SLC35A1: variants seen among roughly 807,000 people sequenced by gnomAD.
SLC35A1 encodes solute carrier family 35 member A1, also known as CMP-sialic acid transporter.
A neutral mutation model predicts 40.3 loss-of-function variants in SLC35A1; 21 were observed. The observed-to-expected ratio is 0.52, with a 90% CI of 0.37 to 0.75. SLC35A1 has a LOEUF of 0.75. SLC35A1 is among the 30% of genes least tolerant of loss of function. SLC35A1 has a pLI of 0.00. For missense variants in SLC35A1, 297 were observed against 382.1 expected, an observed-to-expected ratio of 0.78 and a Z score of 1.86; for synonymous variants, 146 against 147.3, an observed-to-expected ratio of 0.99 and a Z score of 0.06.
At chr6:87,474,382 C>T (rs891923676) in intron 1 of SLC35A1, among the ~76,000 whole-genome samples, 3 of 151,944 alleles carry the variant, frequency 2.0e-5, no homozygotes, top group African/African-American at 7.3e-5. Flanking sequence ...CGAAAAAAAA[C>T]ATTTTAAACT....
intron 4 of SLC35A1, among the ~76,000 whole-genome samples, chr6:87,503,660 C>T (rs532526199): frequency 7.2e-5 from 11 of 152,052 alleles, no homozygotes; most frequent in Admixed American, 3.9e-4. Context: ...TGCAGTGAGC[C>T]GAGATCGCGC....
intron 1 of SLC35A1, 74 bp from the exon 2 acceptor site, chr6:87,477,288 C>T: frequency 7.8e-7 from 1 of 1,275,086 alleles, no homozygotes; most frequent in Non-Finnish European, 1.1e-6. Context: ...TATTTTTAGG[C>T]TATAACTAGT....
intron 2 of SLC35A1, among the ~76,000 whole-genome samples, chr6:87,493,899 A>G (rs1246151530): frequency 6.6e-6 from 1 of 152,190 alleles, no homozygotes; most frequent in East Asian, 1.9e-4. Flanking sequence ...AAGTTTTGGC[A>G]TGTGAAATTA....
At position 87,473,027 on chromosome 6, in the gene SLC35A1, C is replaced by T; in HGVS notation, c.16+8C>T. 1 of 628,208 alleles carries T rather than the reference C, an allele frequency of 1.6e-6. No homozygotes were observed. The highest frequency in any genetic ancestry group is 2.5e-6 in the Non-Finnish European group (1 of 403,300). 38.9% of individuals were successfully genotyped at this position (628,208 alleles called of 1,614,324 possible). A position where few individuals can be genotyped will look rare whatever the true frequency, so the allele number is the denominator to read the frequency against. ...CCATGGCTGCCCCGAGAGGTGAGAA[C>T]TGGGTCTGCTGGGAGTGGGGAGTCC... On this transcript the variant is annotated splice_region_variant and intron_variant, in intron 1 of 7. Coordinates refer to ENST00000369552, the MANE Select transcript of SLC35A1 (RefSeq NM_006416.5).
chr6:87,490,617 GA>G (rs1030943945), intron 2 of SLC35A1, among the ~76,000 whole-genome samples: 1 of 152,094 alleles, frequency 6.6e-6, no homozygotes, highest in Non-Finnish European at 1.5e-5. Context: ...TGAAAAAAAG[GA>G]AAAAGATATT....
At chr6:87,488,038 A>G (rs1333304368) in intron 2 of SLC35A1, 1 of 152,182 alleles carries the variant, frequency 6.6e-6, no homozygotes, top group Non-Finnish European at 1.5e-5. Context: ...AGTTATTATT[A>G]TTTTTGTTTT....
intron 1 of SLC35A1, 24 bp downstream of exon 1, chr6:87,473,043 TG>T (rs1337582825): frequency 1.1e-5 from 6 of 555,646 alleles, no homozygotes; most frequent in Non-Finnish European, 8.6e-6. Context: ...CTGCTGGGAG[TG>T]GGGAGTCCGC....
chr6:87,479,623 ACTC>A (rs1031773714), intron 2 of SLC35A1, among the ~76,000 whole-genome samples: 2 of 151,530 alleles, frequency 1.3e-5, no homozygotes, highest in African/African-American at 4.9e-5. Flanking sequence ...CATGATGCAA[ACTC>A]CTCCTCTTTC....
intron 7 of SLC35A1, 128 bp from the exon 8 acceptor site, chr6:87,511,271 C>G: frequency 1.0e-6 from 1 of 1,003,562 alleles, no homozygotes; most frequent in Non-Finnish European, 1.5e-6. Flanking sequence ...CCTTTCTAAA[C>G]CTTGCCATCA....
At chr6:87,511,096 T>C (rs1562028741) in intron 7 of SLC35A1, among the ~76,000 whole-genome samples, 1 of 152,064 alleles carries the variant, frequency 6.6e-6, no homozygotes, top group African/African-American at 2.4e-5. Flanking sequence ...AAAAAAATTA[T>C]ATATTTTATA....
intron 2 of SLC35A1, among the ~76,000 whole-genome samples, chr6:87,484,181 G>T (rs1769327648): frequency 6.6e-6 from 1 of 152,146 alleles, no homozygotes; most frequent in African/African-American, 2.4e-5. Context: ...GAGAGCTCGG[G>T]TTATTCCTTG....
intron 1 of SLC35A1, among the ~76,000 whole-genome samples, chr6:87,474,081 G>A (rs1208241834): frequency 6.6e-6 from 1 of 152,098 alleles, no homozygotes; most frequent in Non-Finnish European, 1.5e-5. Flanking sequence ...GGAAATAAAA[G>A]AAAAAGAAAT....
chr6:87,482,014 A>G (rs1448589453), intron 2 of SLC35A1, among the ~76,000 whole-genome samples: 1 of 152,218 alleles, frequency 6.6e-6, no homozygotes, highest in Non-Finnish European at 1.5e-5. Flanking sequence ...CACCTTGCAC[A>G]TAAACTGTTT....
chr6:87,495,804 T>C (rs961005662), intron 2 of SLC35A1, among the ~76,000 whole-genome samples: 2 of 151,888 alleles, frequency 1.3e-5, no homozygotes, highest in Non-Finnish European at 2.9e-5. Context: ...TACAGGTGCA[T>C]GCCACCACGC....
At chr6:87,504,292 T>C (rs1017313370) in intron 4 of SLC35A1, among the ~76,000 whole-genome samples, 1 of 151,956 alleles carries the variant, frequency 6.6e-6, no homozygotes, top group East Asian at 1.9e-4. Context: ...AAAAAAGCTT[T>C]CTTTAATGCC....
At chr6:87,493,995 T>C (rs1341968633) in intron 2 of SLC35A1, among the ~76,000 whole-genome samples, 3 of 152,024 alleles carry the variant, frequency 2.0e-5, no homozygotes, top group Non-Finnish European at 2.9e-5. Context: ...ATAGATAAGG[T>C]TGACGTGGTC....
chr6:87,504,388 G>C (rs1201422548), intron 4 of SLC35A1, among the ~76,000 whole-genome samples: 2 of 151,904 alleles, frequency 1.3e-5, no homozygotes, highest in Non-Finnish European at 2.9e-5. Context: ...ATTCCTCTTG[G>C]TGATCTGTAC....
At chr6:87,495,649 A>G (rs1769703285) in intron 2 of SLC35A1, among the ~76,000 whole-genome samples, 1 of 150,950 alleles carries the variant, frequency 6.6e-6, no homozygotes, top group South Asian at 2.1e-4. Flanking sequence ...TAGCCCCTCA[A>G]AGTCTTTTTT....
chr6:87,506,933 C>T, intron 5 of SLC35A1: 1 of 165,942 alleles, frequency 6.0e-6, no homozygotes, highest in Admixed American at 5.8e-5. Flanking sequence ...CCTTAGAAAA[C>T]ATAATACATA....
Sources: allele counts gnomAD v4.1 joint callset (sites outside exome capture counted in the v4.1 genomes callset), GRCh38; gene constraint gnomAD v4.1.1; transcripts MANE v1.5; gene names NCBI Gene and HGNC (gene_info 2026-07-23, HGNC 2026-07-21).